The following AKAP13 variants were observed in gnomAD, a reference collection of about 807,000 sequenced individuals.
The protein encoded by AKAP13 is A-kinase anchor protein 13.
A neutral mutation model predicts 264.5 loss-of-function variants in AKAP13; 80 were observed. The observed-to-expected ratio is 0.30, with a 90% CI of 0.25 to 0.36. The LOEUF is 0.36. Ranked by LOEUF, AKAP13 falls within the 10% of genes least tolerant of loss-of-function variation. The pLI, the probability that AKAP13 is intolerant of heterozygous loss-of-function variation, is 1.00. For missense variants in AKAP13, 3,712 were observed against 3,435.2 expected (o/e 1.08, Z -2.01); for synonymous variants, 1,380 against 1,250.2 (o/e 1.10, Z -2.19).
intron 16 of AKAP13, among the ~76,000 whole-genome samples, chr15:85,686,055 C>T (rs2151617642): frequency 6.6e-6 from 1 of 152,228 alleles, no homozygotes; most frequent in Admixed American, 6.5e-5. Context: ...CTCTCACACC[C>T]TGTTCATCTA....
At chr15:85,606,660 G>T (rs1227574990) in intron 8 of AKAP13, among the ~76,000 whole-genome samples, 1 of 152,180 alleles carries the variant, frequency 6.6e-6, no homozygotes, top group Admixed American at 6.5e-5. Flanking sequence ...GCATCATGGG[G>T]GTGACTACAG....
chr15:85,722,883 TCTGA>T (rs1311524494), intron 25 of AKAP13, among the ~76,000 whole-genome samples, 185 bp from the exon 26 acceptor site: 1 of 152,208 alleles, frequency 6.6e-6, no homozygotes, highest in Non-Finnish European at 1.5e-5. Flanking sequence ...ATTGAAAACT[TCTGA>T]CTTTTTTTAG....
At position 85,520,716 on chromosome 15, in the gene AKAP13, G is replaced by A. The variant is rs767221560; in HGVS notation, c.34-712G>A. 8 of 518,762 alleles carry A rather than the reference G, an allele frequency of 1.5e-5. No homozygotes were observed. The East Asian group carries it at 4.4e-4, about 28-fold the overall frequency. The allele number at this position is 518,762 out of a possible 1,614,324, so 32.1% of individuals were successfully genotyped here. A position where few individuals can be genotyped will look rare whatever the true frequency, so the allele number is the denominator to read the frequency against. ...ATTGAAATAGGTTAAAAATATTATA[G>A]ACCGAGAGTTGAACATGTTCCAGGA... On this transcript the variant is annotated intron_variant, in intron 2 of 36. Transcript: ENST00000394518.
intron 13 of AKAP13, among the ~76,000 whole-genome samples, chr15:85,665,030 C>T (rs2430831): frequency 0.12 from 18,898 of 151,842 alleles, 1,948 homozygotes; most frequent in East Asian, 0.36. Flanking sequence ...GCAAGACCCC[C>T]CATCTCTACA....
At chr15:85,628,455 T>A (rs1228824167) in intron 8 of AKAP13, among the ~76,000 whole-genome samples, 1 of 152,214 alleles carries the variant, frequency 6.6e-6, no homozygotes, top group Non-Finnish European at 1.5e-5. Flanking sequence ...GAAATGTTAC[T>A]GTTCTTCAGT....
At position 85,713,686 on chromosome 15, in the gene AKAP13, A is replaced by G. The variant is rs180696288; in HGVS notation, c.5600-2102A>G. On this transcript the variant is annotated intron_variant, in intron 19 of 36. Coordinates refer to ENST00000394518, the MANE Select transcript of AKAP13 (RefSeq NM_007200.5). ...GTTTCTGCTATTTTATTGTGTCATC[A>G]TCTTGTAAATAGAATTTGAATTGGA... Among the ~76,000 whole-genome samples the G allele has an allele frequency of 2.4e-4, 36 of 152,266 alleles. No individual in the cohort carries two copies. In the Middle Eastern group the frequency reaches 0.01, roughly 43 times the overall value.
At chr15:85,451,240 TC>T (rs1596223349) in intron 1 of AKAP13, among the ~76,000 whole-genome samples, 1 of 152,346 alleles carries the variant, frequency 6.6e-6, no homozygotes, top group South Asian at 2.1e-4. Context: ...TTTTTCTCCA[TC>T]CCTTTATTTT....
At chr15:85,528,991 G>A (rs2077167878) in intron 3 of AKAP13, among the ~76,000 whole-genome samples, 1 of 152,068 alleles carries the variant, frequency 6.6e-6, no homozygotes, top group Non-Finnish European at 1.5e-5. Context: ...AAACACCATG[G>A]AACTAACTGA....
Position 85,580,176 on chromosome 15 carries a change from C to G in AKAP13, c.2108C>G (p.Pro703Arg). Residue 703 changes from proline (P) to arginine (R), a missense_variant, in exon 7 of 37, where the codon CCA (proline) becomes CGA (arginine). Physicochemically the swap from Pro to Arg is moderately radical, Grantham distance 103. This residue lies in a region of AKAP13 where 2,759 missense variants were observed against 2,411.7 expected (regional missense o/e 1.14). Transcript: ENST00000394518. ...TTARQPSSQD[P>R]PDASHCEDPQ... ...GCAAGGCAACCCAGCTCACAAGATC[C>G]ACCCGATGCCTCCCACTGTGAAGAC... 1 of 1,614,214 alleles carries G rather than the reference C, an allele frequency of 6.2e-7. No individual in the cohort carries two copies. The highest frequency in any genetic ancestry group is 1.3e-5 in the African/African-American group (1 of 75,042).
intron 1 of AKAP13, among the ~76,000 whole-genome samples, chr15:85,463,031 A>AG (rs1198971170): frequency 1.3e-5 from 2 of 150,370 alleles, no homozygotes; most frequent in Non-Finnish European, 3.0e-5. Flanking sequence ...CTCAAAAAAA[A>AG]AAAAAAAAAA....
rs1432373395 is a variant in AKAP13, at chr15:85,719,381, TG to T, written c.6252+59del. 8.8e-6 allele frequency: 14 copies of T among 1,596,572 alleles called. No individual in the cohort carries two copies. The African/African-American group carries it at 1.6e-4, about 18-fold the overall frequency. ...CATACACTGGGAAAAAGGGAAGTCA[TG>T]GGGTTCCACAGCCATGCATTCACAT... On this transcript the variant is annotated intron_variant, in intron 23 of 36. Transcript: ENST00000394518.
chr15:85,678,895 A>T (rs536931541), intron 14 of AKAP13, among the ~76,000 whole-genome samples: 1 of 150,512 alleles, frequency 6.6e-6, no homozygotes, highest in Non-Finnish European at 1.5e-5. Flanking sequence ...AAAAAAAAAA[A>T]TCAAAGTATT....
rs1050468275 is a variant in AKAP13 at position 85,710,517 on chromosome 15, A to G, written c.5533-62A>G. On this transcript the variant is annotated intron_variant, in intron 18 of 36. Coordinates refer to ENST00000394518, the MANE Select transcript of AKAP13 (RefSeq NM_007200.5). ...AAGCTGAACTGCTTGCTCCCTTCCT[A>G]CTCGGCTTCTCAGGGCTTGTCAGAG... 1.0e-5 allele frequency: 16 copies of G among 1,539,554 alleles called. No individual in the cohort carries two copies. The Admixed American group carries it at 1.2e-4, about 12-fold the overall frequency.
At chr15:85,411,296 A>G (rs1196462476) in intron 1 of AKAP13, among the ~76,000 whole-genome samples, 1 of 152,222 alleles carries the variant, frequency 6.6e-6, no homozygotes, top group Non-Finnish European at 1.5e-5. Flanking sequence ...AGTGAACATT[A>G]TTACTTTTAT....
intron 6 of AKAP13, chr15:85,577,952 G>C (rs544323615): frequency 9.1e-6 from 4 of 437,766 alleles, no homozygotes; most frequent in African/African-American, 8.6e-5. Flanking sequence ...GTATATATGA[G>C]GCAGGGTGTA....
intron 5 of AKAP13, among the ~76,000 whole-genome samples, chr15:85,562,126 A>C (rs1247894137): frequency 6.6e-6 from 1 of 152,222 alleles, no homozygotes; most frequent in Non-Finnish European, 1.5e-5. Flanking sequence ...ACGAGAGTAA[A>C]TGAGATGATG....
chr15:85,514,107 C>T lies in AKAP13; in HGVS notation c.34-7321C>T, dbSNP rs1166136953. Among the ~76,000 whole-genome samples, 3 of 137,698 alleles carry T rather than the reference C, an allele frequency of 2.2e-5. 1 individual carries two copies. The highest frequency in any genetic ancestry group is 5.9e-5 in the African/African-American group (2 of 34,164). 90.3% of individuals were successfully genotyped at this position (137,698 alleles called of 152,430 possible). On this transcript the variant is annotated intron_variant, in intron 2 of 36. Coordinates refer to ENST00000394518, the MANE Select transcript of AKAP13 (RefSeq NM_007200.5). ...TATGCTGTTCCTCATCAGAATCTCCCTCTGGATTGAGCATTCATTGATAAC... is the reference window on the plus strand; with the variant it reads ...TATGCTGTTCCTCATCAGAATCTCCTTCTGGATTGAGCATTCATTGATAAC...
intron 8 of AKAP13, among the ~76,000 whole-genome samples, chr15:85,594,519 G>A (rs929802578): frequency 6.6e-5 from 10 of 152,342 alleles, no homozygotes; most frequent in African/African-American, 2.2e-4. Context: ...TATGCATTAT[G>A]TATCAGAAAT....
intron 1 of AKAP13, among the ~76,000 whole-genome samples, chr15:85,389,070 C>T (rs772164993): frequency 1.1e-4 from 16 of 152,148 alleles, no homozygotes; most frequent in Admixed American, 2.6e-4. Context: ...GTCTCCCAGC[C>T]CTGTGTGAAC....
Sources: gnomAD v4.1 joint callset for allele counts (sites outside exome capture counted in the v4.1 genomes callset) on GRCh38, gnomAD v4.1.1 for gene constraint, gnomAD v4.1.1 regional missense constraint, MANE v1.5 for transcripts, NCBI Gene and HGNC (gene_info 2026-07-23, HGNC 2026-07-21) for gene names.